Variants in AGAP1 observed in about 807,000 individuals in gnomAD.
AGAP1 encodes the protein ArfGAP with GTPase domain, ankyrin repeat and PH domain 1.
AGAP1 carries 29 observed loss-of-function variants against 105.3 expected under a neutral mutation model. The observed-to-expected ratio is 0.28, with a 90% CI of 0.21 to 0.38. The LOEUF is 0.38. Ranked by LOEUF, AGAP1 falls within the 10% of genes least tolerant of loss-of-function variation. AGAP1 has a pLI of 1.00. For missense variants in AGAP1, 998 were observed against 1,165.1 expected, an observed-to-expected ratio of 0.86 and a Z score of 2.09; for synonymous variants, 509 against 485.9, an observed-to-expected ratio of 1.05 and a Z score of -0.63.
chr2:235,966,128 T>C (rs546198368), intron 12 of AGAP1, among the ~76,000 whole-genome samples: 1 of 108,796 alleles, frequency 9.2e-6, no homozygotes, highest in African/African-American at 3.7e-5. Context: ...AGGGGAGCCC[T>C]TTCCTCTGGG....
intron 9 of AGAP1, among the ~76,000 whole-genome samples, chr2:235,860,613 A>G (rs1440479853): frequency 6.6e-6 from 1 of 152,226 alleles, no homozygotes; most frequent in African/African-American, 2.4e-5. Flanking sequence ...ACAGCTCACA[A>G]TTAAAGACAG....
Position 235,789,788 on chromosome 2 carries a change from T to C in AGAP1, c.674-7971T>C, listed in dbSNP as rs530046157. On this transcript the variant is annotated intron_variant, in intron 6 of 17. Coordinates refer to ENST00000304032, the MANE Select transcript of AGAP1 (RefSeq NM_001037131.3). This position sits in a 1 kb window ranked among gnomAD's most constrained non-coding sequence, Gnocchi z 4.2. ...TGGGGCATGGCATGTCCTAATGACT[T>C]ACTCGAGCAGTTGAATCTTGGCCAC... Among the ~76,000 whole-genome samples the C allele has an allele frequency of 2.4e-4, 37 of 152,334 alleles. No homozygotes were observed. The South Asian group carries it at 7.7e-3, about 32-fold the overall frequency.
chr2:235,697,341 T>C (rs1218547836), intron 1 of AGAP1, among the ~76,000 whole-genome samples: 1 of 152,210 alleles, frequency 6.6e-6, no homozygotes. Flanking sequence ...GTTTGCTTGT[T>C]AGCTGTGTTG....
chr2:235,910,514 G>T (rs1442321107), intron 11 of AGAP1, among the ~76,000 whole-genome samples: 2 of 152,158 alleles, frequency 1.3e-5, no homozygotes, highest in African/African-American at 2.4e-5. Context: ...TAACTATGGG[G>T]TGGGAAGAGA....
chr2:235,630,331 C>T (rs147586221), intron 1 of AGAP1, among the ~76,000 whole-genome samples: 1,996 of 152,210 alleles, frequency 0.013, 43 homozygotes, highest in African/African-American at 0.044. Context: ...CTGCCTCAAC[C>T]TCCCGAGTAG....
chr2:235,695,879 T>C (rs998929740), intron 1 of AGAP1, among the ~76,000 whole-genome samples: 4 of 152,172 alleles, frequency 2.6e-5, no homozygotes, highest in African/African-American at 7.2e-5. Flanking sequence ...CAGGAGATAC[T>C]GAATAACCAA....
intron 1 of AGAP1, among the ~76,000 whole-genome samples, chr2:235,561,802 G>A (rs928698370): frequency 2.6e-5 from 4 of 152,168 alleles, no homozygotes; most frequent in African/African-American, 7.2e-5. Context: ...TTGACAGATC[G>A]GAGCCTAAGC....
intron 9 of AGAP1, among the ~76,000 whole-genome samples, chr2:235,816,950 T>C (rs1192528856): frequency 6.6e-6 from 1 of 152,146 alleles, no homozygotes; most frequent in African/African-American, 2.4e-5. Flanking sequence ...TAAAGTCTTA[T>C]TTCAGTTCTG....
In AGAP1 at chr2:235,751,245, C is replaced by G. The variant is rs1376965843; in HGVS notation, c.673+757C>G. 6.6e-6 allele frequency among the ~76,000 whole-genome samples: 1 copy of G among 152,308 alleles called. No homozygotes were observed. The highest frequency in any genetic ancestry group is 1.9e-4 in the East Asian group (1 of 5,178). ...CTGGGGTAAATAAGGACTGATACTTCTAAAGCCAGTCTTTTCAAGTTGGAA... is the reference window on the plus strand; with the variant it reads ...CTGGGGTAAATAAGGACTGATACTTGTAAAGCCAGTCTTTTCAAGTTGGAA... On this transcript the variant is annotated intron_variant, in intron 6 of 17. Transcript: ENST00000304032. The surrounding 1 kb of genome is among the most constrained non-coding windows in gnomAD (Gnocchi z 5.3).
rs1946054133 is a variant in AGAP1 at position 235,609,439 on chromosome 2, C to T, written c.164-99740C>T. ...GCAAGGGCTGCTGGGCACGATCATT[C>T]GAGATTCCAAGAGGTAAGAACTGGG... On this transcript the variant is annotated intron_variant, in intron 1 of 17. Coordinates refer to ENST00000304032, the MANE Select transcript of AGAP1 (RefSeq NM_001037131.3). This position sits in a 1 kb window ranked among gnomAD's most constrained non-coding sequence, Gnocchi z 5.1. Among the ~76,000 whole-genome samples, 2 of 152,082 alleles carry T rather than the reference C, an allele frequency of 1.3e-5. No homozygotes were observed. Among genetic ancestry groups the T allele is most frequent in the South Asian group, 2.1e-4 (1 of 4,824 alleles).
In AGAP1 at chr2:235,876,086, AT is replaced by A. The variant is rs775662560; in HGVS notation, c.1051-7255del. On this transcript the variant is annotated intron_variant, in intron 9 of 17. Coordinates refer to ENST00000304032, the MANE Select transcript of AGAP1 (RefSeq NM_001037131.3). Reference sequence around the variant, plus strand: ...AGGGTAAGGGGCTCACCTGCAGATAATTTTCTCATCTCCAATAGAGGTGTGC... The same window carrying A: ...AGGGTAAGGGGCTCACCTGCAGATAATTTCTCATCTCCAATAGAGGTGTGC... Among the ~76,000 whole-genome samples the A allele has an allele frequency of 1.2e-4, 19 of 152,132 alleles. No individual in the cohort carries two copies. The East Asian group carries it at 3.5e-3, about 28-fold the overall frequency.
intron 1 of AGAP1, among the ~76,000 whole-genome samples, chr2:235,607,559 T>A (rs1172309483): frequency 6.6e-6 from 1 of 152,188 alleles, no homozygotes; most frequent in Non-Finnish European, 1.5e-5. Context: ...AGGATGGAGA[T>A]TGATCTGGGG....
intron 1 of AGAP1, chr2:235,669,549 G>T (rs1358102575): frequency 1.4e-5 from 2 of 147,864 alleles, no homozygotes; most frequent in Non-Finnish European, 3.0e-5. Context: ...GCCCGGCTGG[G>T]CGCGCGGCCC....
intron 1 of AGAP1, among the ~76,000 whole-genome samples, chr2:235,666,488 A>C (rs999528909): frequency 1.3e-5 from 2 of 152,102 alleles, no homozygotes. Context: ...CAGGTTTTTC[A>C]GCACCCACAG....
chr2:235,914,485 A>T (rs2125070939), intron 11 of AGAP1, among the ~76,000 whole-genome samples: 1 of 152,292 alleles, frequency 6.6e-6, no homozygotes, highest in African/African-American at 2.4e-5. Flanking sequence ...GGGCAATTGA[A>T]TAGAAAATAC....
chr2:235,568,481 T>C (rs896289164), intron 1 of AGAP1, among the ~76,000 whole-genome samples: 1 of 152,234 alleles, frequency 6.6e-6, no homozygotes, highest in Non-Finnish European at 1.5e-5. Context: ...GCACTTAGCA[T>C]GTGGCGGGCA....
intron 9 of AGAP1, among the ~76,000 whole-genome samples, chr2:235,809,008 A>G (rs1209532087): frequency 6.6e-6 from 1 of 152,168 alleles, no homozygotes; most frequent in Non-Finnish European, 1.5e-5. Context: ...TATAAAAATA[A>G]TTCTTTTTCA....
intron 11 of AGAP1, among the ~76,000 whole-genome samples, chr2:235,911,837 CAG>C (rs771775239): frequency 1.3e-5 from 2 of 152,366 alleles, no homozygotes; most frequent in African/African-American, 4.8e-5. Flanking sequence ...TAATCCCACA[CAG>C]GGGCCTGGCT....
chr2:235,593,580 A>G (rs770225962), intron 1 of AGAP1, among the ~76,000 whole-genome samples: 1 of 152,190 alleles, frequency 6.6e-6, no homozygotes, highest in Non-Finnish European at 1.5e-5. Flanking sequence ...TTTTCCGTGT[A>G]TATAGATATA....
Sources: allele counts gnomAD v4.1 joint callset (sites outside exome capture counted in the v4.1 genomes callset), GRCh38; gene constraint gnomAD v4.1.1; non-coding constraint Gnocchi (gnomAD v3.1); transcripts MANE v1.5; gene names NCBI Gene and HGNC (gene_info 2026-07-23, HGNC 2026-07-21).